SLC10A6: variants seen among roughly 807,000 people sequenced by gnomAD.
SLC10A6 encodes sodium-dependent organic anion transporter.
Under a neutral mutation model 30.0 loss-of-function variants are expected in SLC10A6, and 27 were observed. The observed-to-expected ratio is 0.90, with a 90% CI of 0.66 to 1.24. The LOEUF is 1.24. Ranked by LOEUF, SLC10A6 falls within the 50% of genes most tolerant of loss-of-function variation. The probability of loss-of-function intolerance (pLI) is 0.00; values close to 1 mark genes in which losing one functional copy is unlikely to be tolerated. For missense variants in SLC10A6, 439 were observed against 457.0 expected (o/e 0.96, Z 0.36); for synonymous variants, 166 against 173.8 (o/e 0.95, Z 0.36).
intron 1 of SLC10A6, among the ~76,000 whole-genome samples, chr4:86,844,581 C>T (rs913176016): frequency 5.3e-5 from 8 of 152,194 alleles, no homozygotes; most frequent in Non-Finnish European, 8.8e-5. Flanking sequence ...CTTCAAAAGA[C>T]CTTTTCTGCT....
rs774744746 is a variant in SLC10A6, at chr4:86,848,985, A to G, written c.131T>C (p.Leu44Pro). The G allele has an allele frequency of 2.5e-6, 4 of 1,614,200 alleles. No homozygotes were observed. Among genetic ancestry groups the G allele is most frequent in the Admixed American group, 1.7e-5 (1 of 60,032 alleles). Residue 44 changes from leucine to proline, a missense_variant, in exon 1 of 6, where the codon CTG becomes CCG. By Grantham distance (98) the Leu-to-Pro change is moderately conservative (BLOSUM62 -3). Transcript: ENST00000273905. ...FTVVSTVMMG[L>P]LMFSLGCSVE... is the part of the protein sequence containing the mutation. ...GGAACATCCCAAAGAGAACATGAGC[A>G]GCCCCATCATCACAGTGGACACCAC...
At chr4:86,826,182 AC>A (rs1434954073) in intron 4 of SLC10A6, among the ~76,000 whole-genome samples, 2 of 152,148 alleles carry the variant, frequency 1.3e-5, no homozygotes, top group African/African-American at 2.4e-5. Flanking sequence ...GGAATTCAAG[AC>A]CACCCTGGGC....
chr4:86,835,256 G>A (rs1300770418), intron 1 of SLC10A6, among the ~76,000 whole-genome samples: 4 of 152,226 alleles, frequency 2.6e-5, no homozygotes, highest in African/African-American at 7.2e-5. Flanking sequence ...TGCAGACAGA[G>A]CAAGTTGGTT....
chr4:86,833,489 A>G (rs1479216882), intron 1 of SLC10A6, 65 bp from the exon 2 acceptor site: 12 of 1,201,028 alleles, frequency 1.0e-5, no homozygotes, highest in Admixed American at 1.7e-5. Context: ...AGTCTTTACC[A>G]AAAGCAACTC....
intron 1 of SLC10A6, among the ~76,000 whole-genome samples, chr4:86,848,475 G>A (rs1317177488): frequency 6.6e-6 from 1 of 152,214 alleles, no homozygotes; most frequent in Non-Finnish European, 1.5e-5. Flanking sequence ...GGGCCACTGG[G>A]TGAGGTGCAG....
At chr4:86,837,632 A>T (rs1310943406) in intron 1 of SLC10A6, 12 of 985,310 alleles carry the variant, frequency 1.2e-5, no homozygotes, top group Non-Finnish European at 3.6e-6. Context: ...TCACTCCCAA[A>T]TCGCAAGTTA....
rs776659956 is a variant in SLC10A6, at chr4:86,833,305, C to G, written c.496+1G>C. ...CCTCCATTTCCCAGGCCCATACAGA[C>G]CTATGTTCTGATAAGGAATGGTGAG... On this transcript the variant is annotated splice_donor_variant, in intron 2 of 5. Transcript: ENST00000273905. LOFTEE classifies it high-confidence loss of function. 6.2e-7 allele frequency: 1 copy of G among 1,603,492 alleles called. No individual in the cohort carries two copies. Among genetic ancestry groups the G allele is most frequent in the Non-Finnish European group, 8.5e-7 (1 of 1,170,440 alleles).
chr4:86,828,042 G>A lies in SLC10A6; in HGVS notation c.712C>T (p.His238Tyr), dbSNP rs758094314. Reference sequence around the variant, plus strand: ...AGTGCCAGCAGAAAACCCGTGACATGGCCAATCAAAGGAAAGATGAAACTG... The same window carrying A: ...AGTGCCAGCAGAAAACCCGTGACATAGCCAATCAAAGGAAAGATGAAACTG... ...TISFIFPLIG[H>Y]VTGFLLALFT... Residue 238 changes from histidine to tyrosine, a missense_variant, in exon 4 of 6, where the codon CAT (histidine) becomes TAT (tyrosine). Transcript: ENST00000273905. 1 of 1,613,874 alleles carries A rather than the reference G, an allele frequency of 6.2e-7. No homozygotes were observed. The highest frequency in any genetic ancestry group is 1.1e-5 in the South Asian group (1 of 91,042).
intron 1 of SLC10A6, among the ~76,000 whole-genome samples, chr4:86,837,289 G>GAGAGAA (rs1560460376): frequency 2.2e-4 from 19 of 86,050 alleles, no homozygotes; most frequent in African/African-American, 8.1e-4. Flanking sequence ...GAAAGAAAAA[G>GAGAGAA]AAAGGAAGGA....
rs72874281 is a variant in SLC10A6, at chr4:86,825,324, G to A, written c.919+96C>T. ...CAGGCTTTCAAAAAGTGTATCACAGGGGCAGCACATGCAAGTTTGGATTGA... is the reference window on the plus strand; with the variant it reads ...CAGGCTTTCAAAAAGTGTATCACAGAGGCAGCACATGCAAGTTTGGATTGA... On this transcript the variant is annotated intron_variant, in intron 5 of 5. Transcript: ENST00000273905. 3.7e-3 allele frequency: 4,300 copies of A among 1,165,944 alleles called. 131 individuals carry two copies. In the African/African-American group the frequency reaches 0.056, roughly 15 times the overall value. 72.2% of individuals were successfully genotyped at this position (1,165,944 alleles called of 1,614,324 possible). A position where few individuals can be genotyped will look rare whatever the true frequency, so the allele number is the denominator to read the frequency against.
intron 2 of SLC10A6, 39 bp from the exon 3 acceptor site, chr4:86,831,919 C>T: frequency 2.0e-6 from 3 of 1,518,198 alleles, no homozygotes; most frequent in Non-Finnish European, 2.7e-6. Context: ...TTTTCCCTCT[C>T]ACCCTGACTG....
chr4:86,825,672 C>A (rs1423374583), intron 4 of SLC10A6, 95 bp from the exon 5 acceptor site: 2 of 1,268,764 alleles, frequency 1.6e-6, no homozygotes, highest in Non-Finnish European at 2.1e-6. Context: ...AAGCTATGAC[C>A]TCAGGCCACT....
intron 2 of SLC10A6, among the ~76,000 whole-genome samples, chr4:86,832,931 G>C (rs1746108679): frequency 1.3e-5 from 2 of 152,094 alleles, no homozygotes; most frequent in Admixed American, 6.6e-5. Context: ...AGTATAAAGA[G>C]TCCAATTGCT....
At chr4:86,833,915 G>A (rs1042198023) in intron 1 of SLC10A6, among the ~76,000 whole-genome samples, 4 of 151,930 alleles carry the variant, frequency 2.6e-5, no homozygotes, top group African/African-American at 4.8e-5. Flanking sequence ...TCTACTTTCC[G>A]TCTTTATAGG....
In SLC10A6 at chr4:86,828,037, G is replaced by A. The variant is rs1746024446; in HGVS notation, c.717C>T (p.Val239=). The A allele has an allele frequency of 3.7e-6, 6 of 1,613,774 alleles. No individual in the cohort carries two copies. The East Asian group carries it at 6.7e-5, about 18-fold the overall frequency. ...ISFIFPLIGH[V]TGFLLALFTH... is the part of the protein sequence containing the mutation. Reference sequence around the variant, plus strand: ...TAAAAAGTGCCAGCAGAAAACCCGTGACATGGCCAATCAAAGGAAAGATGA... The same window carrying A: ...TAAAAAGTGCCAGCAGAAAACCCGTAACATGGCCAATCAAAGGAAAGATGA... Residue 239 remains valine (V), a synonymous_variant, in exon 4 of 6, where the codon GTC becomes GTT. Coordinates refer to ENST00000273905, the MANE Select transcript of SLC10A6 (RefSeq NM_197965.3).
Position 86,823,733 on chromosome 4 carries a change from G to T in SLC10A6, c.1089C>A (p.Cys363Ter), listed in dbSNP as rs376208642. ...ITPGPPGPMD[C>*]HRALEPVGHI... is the part of the protein sequence containing the mutation. ...GGCCAACTGGCTCGAGAGCCCTGTG[G>T]CAATCCATTGGCCCTGGTGGCCCAG... is the stretch of plus-strand genomic sequence containing the variant. The change falls in exon 6 of 6, where the codon TGC becomes TGA. Residue 363 changes from cysteine to a stop codon, truncating the protein, a stop_gained. Transcript: ENST00000273905. LOFTEE classifies it low-confidence loss of function (END_TRUNC). 18 of 1,613,828 alleles carry T rather than the reference G, an allele frequency of 1.1e-5. No individual in the cohort carries two copies. Among genetic ancestry groups the T allele is most frequent in the Non-Finnish European group, 1.5e-5 (18 of 1,179,936 alleles).
intron 1 of SLC10A6, among the ~76,000 whole-genome samples, chr4:86,835,744 A>AG (rs1491344140): frequency 7.2e-6 from 1 of 138,226 alleles, no homozygotes; most frequent in Non-Finnish European, 1.6e-5. Flanking sequence ...AGAAAGAAAG[A>AG]AAGAGAGAGA....
chr4:86,837,285 A>AAGAAAG (rs1173471408), intron 1 of SLC10A6, among the ~76,000 whole-genome samples: 1 of 74,242 alleles, frequency 1.3e-5, no homozygotes, highest in South Asian at 4.5e-4. Context: ...GAAAGAAAGA[A>AAGAAAG]AAAGAAAGGA....
At chr4:86,847,471 G>T (rs1002445326) in intron 1 of SLC10A6, among the ~76,000 whole-genome samples, 8 of 152,044 alleles carry the variant, frequency 5.3e-5, no homozygotes, top group African/African-American at 1.9e-4. Context: ...TTACCATTAA[G>T]GTAAAACACA....
Sources: allele counts gnomAD v4.1 joint callset (sites outside exome capture counted in the v4.1 genomes callset), GRCh38; gene constraint gnomAD v4.1.1; transcripts MANE v1.5; gene names NCBI Gene and HGNC (gene_info 2026-07-23, HGNC 2026-07-21).